The following FUT9 variants were observed in gnomAD, a reference collection of about 807,000 sequenced individuals.
FUT9 encodes fucosyltransferase 9, also known as 4-galactosyl-N-acetylglucosaminide 3-alpha-L-fucosyltransferase 9.
Under a neutral mutation model 29.7 loss-of-function variants are expected in FUT9, and 15 were observed. The ratio of observed to expected loss-of-function variants is 0.51; its 90% CI spans 0.34 to 0.78. FUT9 has a LOEUF of 0.78. Ranked by LOEUF, FUT9 falls within the 30% of genes least tolerant of loss-of-function variation. The pLI is 0.01. For synonymous variants in FUT9, 169 were observed against 153.7 expected (o/e 1.10, Z -0.74); for missense variants, 319 against 425.4 (o/e 0.75, Z 2.20).
At chr6:96,123,708 C>T (rs572183699) in intron 2 of FUT9, among the ~76,000 whole-genome samples, 1 of 152,168 alleles carries the variant, frequency 6.6e-6, no homozygotes, top group Non-Finnish European at 1.5e-5. Flanking sequence ...GTTTTAAAAC[C>T]ACTTCTGGTG....
chr6:96,113,142 ATATCT>A (rs1479784699), intron 1 of FUT9, among the ~76,000 whole-genome samples: 1 of 152,110 alleles, frequency 6.6e-6, no homozygotes, highest in Admixed American at 6.5e-5. Context: ...GATTATCGAG[ATATCT>A]TATACTCACT....
intron 2 of FUT9, among the ~76,000 whole-genome samples, chr6:96,161,510 T>C (rs1772901690): frequency 6.6e-6 from 1 of 152,136 alleles, no homozygotes. Flanking sequence ...CAGATAAATA[T>C]AGATATAGGT....
At position 96,063,963 on chromosome 6, in the gene FUT9, A is replaced by G. The variant is rs114717577; in HGVS notation, c.-98+47751A>G. 3.1e-3 allele frequency among the ~76,000 whole-genome samples: 470 copies of G among 152,270 alleles called. 1 individual carries two copies. Among genetic ancestry groups the G allele is most frequent in the African/African-American group, 0.011 (455 of 41,554 alleles). ...ACTGGAAAAGCTTCAAAATGAGACA[A>G]TGATTTGAATGAACCAGTAGTCTCT... On this transcript the variant is annotated intron_variant, in intron 1 of 2. Coordinates refer to ENST00000302103, the MANE Select transcript of FUT9 (RefSeq NM_006581.4).
intron 2 of FUT9, among the ~76,000 whole-genome samples, chr6:96,124,869 C>T (rs557135826): frequency 6.6e-6 from 1 of 152,274 alleles, no homozygotes; most frequent in East Asian, 1.9e-4. Context: ...GTGTTAGTGA[C>T]ATTCGTCCTG....
chr6:96,154,175 A>C (rs1482189574), intron 2 of FUT9, among the ~76,000 whole-genome samples: 1 of 152,206 alleles, frequency 6.6e-6, no homozygotes, highest in African/African-American at 2.4e-5. Flanking sequence ...TTATAGTATC[A>C]AATTAATAAT....
At chr6:96,109,108 A>C (rs1290991851) in intron 1 of FUT9, among the ~76,000 whole-genome samples, 1 of 152,240 alleles carries the variant, frequency 6.6e-6, no homozygotes, top group Admixed American at 6.5e-5. Flanking sequence ...AGCAATGCTC[A>C]CTTATTATCA....
chr6:96,059,722 G>A (rs1364399835), intron 1 of FUT9, among the ~76,000 whole-genome samples: 2 of 152,172 alleles, frequency 1.3e-5, no homozygotes, highest in Admixed American at 1.3e-4. Context: ...TTTGTGGAAT[G>A]ATTTCTCAGC....
intron 1 of FUT9, among the ~76,000 whole-genome samples, chr6:96,109,202 T>C (rs1361646472): frequency 6.6e-6 from 1 of 152,230 alleles, no homozygotes; most frequent in Non-Finnish European, 1.5e-5. Context: ...AGAAGCTTGC[T>C]TCTATTAATG....
At chr6:96,148,083 T>C (rs1459421719) in intron 2 of FUT9, among the ~76,000 whole-genome samples, 3 of 152,098 alleles carry the variant, frequency 2.0e-5, no homozygotes, top group African/African-American at 7.2e-5. Context: ...GTGCAATTAA[T>C]TGAAGTCCAG....
intron 2 of FUT9, among the ~76,000 whole-genome samples, chr6:96,114,526 A>G (rs2127962089): frequency 6.6e-6 from 1 of 151,736 alleles, no homozygotes; most frequent in South Asian, 2.1e-4. Context: ...ATTTCTTTTT[A>G]TATTAGTTAT....
At chr6:96,082,572 T>G (rs948724490) in intron 1 of FUT9, among the ~76,000 whole-genome samples, 2 of 151,946 alleles carry the variant, frequency 1.3e-5, no homozygotes, top group Non-Finnish European at 2.9e-5. Context: ...TATAGCAAAT[T>G]TCTTCATCTG....
intron 2 of FUT9, among the ~76,000 whole-genome samples, chr6:96,133,044 A>G (rs189591918): frequency 2.5e-3 from 377 of 152,052 alleles, no homozygotes; most frequent in African/African-American, 8.8e-3. Flanking sequence ...TCACCTGAGT[A>G]GTGTACACCG....
rs1209459901 is a variant in FUT9 at position 96,113,802 on chromosome 6, C to T, written c.-97-237C>T. On this transcript the variant is annotated intron_variant, in intron 1 of 2. Coordinates refer to ENST00000302103, the MANE Select transcript of FUT9 (RefSeq NM_006581.4). The stretch of plus-strand genomic sequence containing the variant: ...CAGGGAGGCGGTGCTTGCAGTAAGC[C>T]GAGATCATGCCACTGCACTCCAGCC... 2.0e-5 allele frequency among the ~76,000 whole-genome samples: 3 copies of T among 149,222 alleles called. No homozygotes were observed. The Admixed American group carries it at 2.0e-4, about 10-fold the overall frequency.
At chr6:96,199,403 C>T (rs1017146451) in intron 2 of FUT9, among the ~76,000 whole-genome samples, 1 of 151,978 alleles carries the variant, frequency 6.6e-6, no homozygotes, top group Non-Finnish European at 1.5e-5. Flanking sequence ...ACCCTGACAG[C>T]ACTGAAAAAT....
chr6:96,092,720 A>G (rs1199419268), intron 1 of FUT9, among the ~76,000 whole-genome samples: 4 of 152,030 alleles, frequency 2.6e-5, no homozygotes, highest in African/African-American at 9.7e-5. Context: ...CATATTCAGG[A>G]GATGCGAGGT....
chr6:96,166,580 G>A (rs545681809), intron 2 of FUT9, among the ~76,000 whole-genome samples: 1 of 152,152 alleles, frequency 6.6e-6, no homozygotes, highest in Non-Finnish European at 1.5e-5. Flanking sequence ...GAATGCCATT[G>A]GTTGAAGAAA....
intron 2 of FUT9, among the ~76,000 whole-genome samples, chr6:96,194,999 T>C (rs1267641996): frequency 6.6e-6 from 1 of 151,924 alleles, no homozygotes; most frequent in Non-Finnish European, 1.5e-5. Flanking sequence ...GAAGGACTAG[T>C]GATTGAGTAG....
chr6:96,146,057 G>A (rs948552298), intron 2 of FUT9, among the ~76,000 whole-genome samples: 2 of 152,050 alleles, frequency 1.3e-5, no homozygotes, highest in African/African-American at 4.8e-5. Flanking sequence ...GCCAGGGCTG[G>A]TCTCGAACTC....
intron 2 of FUT9, among the ~76,000 whole-genome samples, chr6:96,143,893 C>A (rs1360203678): frequency 6.8e-6 from 1 of 147,512 alleles, no homozygotes; most frequent in African/African-American, 2.4e-5. Context: ...TTGCTTATTC[C>A]ACACCACCCA....
Sources: gnomAD v4.1 joint callset for allele counts (sites outside exome capture counted in the v4.1 genomes callset) on GRCh38, gnomAD v4.1.1 for gene constraint, MANE v1.5 for transcripts, NCBI Gene and HGNC (gene_info 2026-07-23, HGNC 2026-07-21) for gene names.